The following GRID1 variants were observed in gnomAD, a reference collection of about 807,000 sequenced individuals.
GRID1 encodes the protein glutamate receptor ionotropic, delta-1.
In GRID1, 28 loss-of-function variants were observed where a neutral mutation model predicts 98.0. That is an observed-to-expected ratio of 0.29 (90% CI 0.21 to 0.39). The LOEUF is 0.39. GRID1 is among the 10% of genes least tolerant of loss of function. The probability of loss-of-function intolerance (pLI) is 1.00; values close to 1 mark genes in which losing one functional copy is unlikely to be tolerated. For synonymous variants in GRID1, 553 were observed against 538.5 expected (o/e 1.03, Z -0.37); for missense variants, 1,111 against 1,340.5 (o/e 0.83, Z 2.67).
At chr10:86,033,984 T>G (rs903829349) in intron 4 of GRID1, among the ~76,000 whole-genome samples, 2 of 152,236 alleles carry the variant, frequency 1.3e-5, no homozygotes, top group Non-Finnish European at 2.9e-5. Context: ...ACACTTGGAT[T>G]CATTGAAAAA....
chr10:86,081,951 T>C (rs139960311), intron 4 of GRID1, among the ~76,000 whole-genome samples: 12 of 152,336 alleles, frequency 7.9e-5, no homozygotes, highest in Non-Finnish European at 1.6e-4. Flanking sequence ...TCCAAACCCA[T>C]AACATTTACA....
intron 6 of GRID1, among the ~76,000 whole-genome samples, chr10:85,867,054 C>T (rs973384290): frequency 6.6e-6 from 1 of 152,118 alleles, no homozygotes; most frequent in African/African-American, 2.4e-5. Context: ...TAAGTAGGCC[C>T]TCAGCTAGAT....
At chr10:85,865,955 G>GGAGA (rs11468652) in intron 6 of GRID1, among the ~76,000 whole-genome samples, 25 of 84,682 alleles carry the variant, frequency 3.0e-4, no homozygotes, top group East Asian at 2.4e-3. Context: ...ACATATATAT[G>GGAGA]GAGAGAGAGA....
chr10:85,851,274 AC>A (rs1485274584), intron 8 of GRID1, among the ~76,000 whole-genome samples: 1 of 152,178 alleles, frequency 6.6e-6, no homozygotes, highest in Non-Finnish European at 1.5e-5. Context: ...TTTCCAGCAA[AC>A]CTTTCCCCTG....
intron 8 of GRID1, among the ~76,000 whole-genome samples, chr10:85,823,408 G>T (rs965742484): frequency 6.6e-6 from 1 of 151,710 alleles, no homozygotes; most frequent in African/African-American, 2.4e-5. Context: ...GAAATAATTA[G>T]AATCTAATTA....
At chr10:86,213,019 C>T (rs1366355878) in intron 2 of GRID1, among the ~76,000 whole-genome samples, 2 of 152,118 alleles carry the variant, frequency 1.3e-5, no homozygotes, top group Non-Finnish European at 2.9e-5. Context: ...ACAGGACACA[C>T]ACTTGACAGG....
At chr10:86,220,988 C>G (rs181011844) in intron 2 of GRID1, among the ~76,000 whole-genome samples, 5 of 152,158 alleles carry the variant, frequency 3.3e-5, no homozygotes, top group Non-Finnish European at 7.3e-5. Context: ...ATCAACCCTG[C>G]GCCTCCAGGA....
chr10:86,352,127 C>T lies in GRID1; in HGVS notation c.235+11814G>A, dbSNP rs141811413. Among the ~76,000 whole-genome samples the T allele has an allele frequency of 8.5e-3, 1,291 of 152,280 alleles. 20 individuals carry two copies. Among genetic ancestry groups the T allele is most frequent in the Middle Eastern group, 0.044 (13 of 294 alleles). On this transcript the variant is annotated intron_variant, in intron 2 of 15. Transcript: ENST00000327946. Reference sequence around the variant, plus strand: ...ACCAGCCTGACCAACATGGTGAAACCCCGTCTCTACTAAAAATACAGCTCA... The same window carrying T: ...ACCAGCCTGACCAACATGGTGAAACTCCGTCTCTACTAAAAATACAGCTCA...
intron 4 of GRID1, among the ~76,000 whole-genome samples, chr10:86,070,754 A>G (rs910690244): frequency 4.6e-5 from 7 of 152,232 alleles, no homozygotes; most frequent in African/African-American, 1.4e-4. Context: ...TTCAACAAAC[A>G]TTCATTGACT....
chr10:85,690,076 C>G (rs1313383839), intron 12 of GRID1, among the ~76,000 whole-genome samples: 1 of 152,064 alleles, frequency 6.6e-6, no homozygotes, highest in African/African-American at 2.4e-5. Flanking sequence ...TCAACATTAT[C>G]TTATGGAGAA....
At chr10:86,150,770 G>T (rs1384592773) in intron 3 of GRID1, among the ~76,000 whole-genome samples, 1 of 152,088 alleles carries the variant, frequency 6.6e-6, no homozygotes, top group Non-Finnish European at 1.5e-5. Flanking sequence ...TGGAATTAGT[G>T]GCCTTATAAG....
chr10:85,935,768 A>G (rs1198140020), intron 4 of GRID1, among the ~76,000 whole-genome samples: 4 of 152,230 alleles, frequency 2.6e-5, no homozygotes, highest in Non-Finnish European at 5.9e-5. Flanking sequence ...ATTTCGGATG[A>G]GTAAACAGAG....
chr10:86,317,948 C>T (rs1847921564), intron 2 of GRID1, among the ~76,000 whole-genome samples: 1 of 152,058 alleles, frequency 6.6e-6, no homozygotes, highest in Admixed American at 6.6e-5. Context: ...TTGCCGTTGC[C>T]CAGGCTGGTC....
intron 2 of GRID1, among the ~76,000 whole-genome samples, chr10:86,324,482 G>A (rs1848015764): frequency 6.6e-6 from 1 of 152,172 alleles, no homozygotes; most frequent in African/African-American, 2.4e-5. Context: ...GGAGTCTGCT[G>A]TAGCTTAGTG....
intron 4 of GRID1, among the ~76,000 whole-genome samples, chr10:86,039,108 A>G (rs902034562): frequency 3.3e-5 from 5 of 151,948 alleles, no homozygotes; most frequent in African/African-American, 1.2e-4. Flanking sequence ...CTAGCTAACC[A>G]CTTTTCTTTC....
chr10:86,215,142 G>A (rs1274104899), intron 2 of GRID1, among the ~76,000 whole-genome samples: 1 of 152,220 alleles, frequency 6.6e-6, no homozygotes. Context: ...TCAGGCAGCA[G>A]CAGCTGTGCA....
chr10:86,203,343 G>T (rs1845979667), intron 3 of GRID1, among the ~76,000 whole-genome samples: 1 of 152,040 alleles, frequency 6.6e-6, no homozygotes, highest in Non-Finnish European at 1.5e-5. Flanking sequence ...CCACCTAGGA[G>T]TGACACTGGG....
At chr10:86,007,743 G>T (rs1589334138) in intron 4 of GRID1, among the ~76,000 whole-genome samples, 1 of 152,188 alleles carries the variant, frequency 6.6e-6, no homozygotes, top group African/African-American at 2.4e-5. Context: ...TCAAAGTAAA[G>T]GTTATATGCA....
chr10:85,780,249 G>GTC (rs1319104625), intron 8 of GRID1, among the ~76,000 whole-genome samples: 11 of 152,196 alleles, frequency 7.2e-5, no homozygotes, highest in African/African-American at 2.7e-4. Context: ...GCTGCCATGG[G>GTC]CACTGCAGTC....
Sources: allele counts gnomAD v4.1 joint callset (sites outside exome capture counted in the v4.1 genomes callset), GRCh38; gene constraint gnomAD v4.1.1; transcripts MANE v1.5; gene names NCBI Gene and HGNC (gene_info 2026-07-23, HGNC 2026-07-21).